The following CNIH3 variants were observed in gnomAD, a reference collection of about 807,000 sequenced individuals.
CNIH3 encodes cornichon family AMPA receptor auxiliary protein 3, also known as protein cornichon homolog 3.
A neutral mutation model predicts 24.1 loss-of-function variants in CNIH3; 14 were observed. That is an observed-to-expected ratio of 0.58 (90% CI 0.38 to 0.91). The LOEUF is 0.91. Among genes scored for constraint, CNIH3 ranks in the 40% least tolerant of loss-of-function variants. The probability of loss-of-function intolerance (pLI) is 0.00; values close to 1 mark genes in which losing one functional copy is unlikely to be tolerated. For synonymous variants in CNIH3, 68 were observed against 73.8 expected (o/e 0.92, Z 0.40); for missense variants, 178 against 196.8 (o/e 0.90, Z 0.57).
chr1:224,635,010 T>A (rs1684018051), intron 1 of CNIH3, among the ~76,000 whole-genome samples: 1 of 152,268 alleles, frequency 6.6e-6, no homozygotes, highest in Admixed American at 6.5e-5. Flanking sequence ...TTCACACTGC[T>A]ATAAAGAACT....
At chr1:224,652,292 TGG>T (rs1029337726) in intron 1 of CNIH3, among the ~76,000 whole-genome samples, 1 of 152,034 alleles carries the variant, frequency 6.6e-6, no homozygotes, top group African/African-American at 2.4e-5. Flanking sequence ...ATTCCTGGAC[TGG>T]GACTGGACAT....
chr1:224,437,593 T>C (rs1674718221), intron 1 of CNIH3, among the ~76,000 whole-genome samples: 1 of 152,180 alleles, frequency 6.6e-6, no homozygotes, highest in South Asian at 2.1e-4. Flanking sequence ...AGCTTTTGGG[T>C]TGTGACCCAT....
intron 1 of CNIH3, among the ~76,000 whole-genome samples, chr1:224,485,692 T>C (rs975122293): frequency 6.6e-6 from 1 of 152,174 alleles, no homozygotes; most frequent in African/African-American, 2.4e-5. Flanking sequence ...AGAATCTCAC[T>C]ATGTTGTGCA....
chr1:224,595,108 G>C (rs1681922575), intron 3 of CNIH3, among the ~76,000 whole-genome samples: 1 of 152,214 alleles, frequency 6.6e-6, no homozygotes, highest in South Asian at 2.1e-4. Context: ...GTGCAGGGAA[G>C]TGATCAGAGC....
chr1:224,545,990 G>T (rs1230010049), intron 2 of CNIH3, among the ~76,000 whole-genome samples: 1 of 152,104 alleles, frequency 6.6e-6, no homozygotes, highest in Non-Finnish European at 1.5e-5. Context: ...TTCTCTGTGT[G>T]TTTGTGTCCT....
intron 1 of CNIH3, among the ~76,000 whole-genome samples, chr1:224,453,361 T>G (rs372788813): frequency 1.3e-5 from 2 of 151,326 alleles, no homozygotes; most frequent in African/African-American, 2.4e-5. Flanking sequence ...TCTTTTTTCT[T>G]TTTTTTTGTA....
rs577191859 is a variant in CNIH3 at position 224,609,068 on chromosome 1, A to C, written n.402+42804A>C. On this transcript the variant is annotated intron_variant and non_coding_transcript_variant, in intron 3 of 7. Transcript: ENST00000478120. ...TTATTATTTTAGAGAGACAGTTAAC[A>C]ATCACCTGACCATGACCTGATGGTT... Among the ~76,000 whole-genome samples the C allele has an allele frequency of 2.8e-4, 42 of 152,246 alleles. 1 individual carries two copies. The South Asian group carries it at 5.2e-3, about 19-fold the overall frequency.
chr1:224,639,235 T>C lies in CNIH3; in HGVS notation c.81+21980T>C, dbSNP rs113801592. On this transcript the variant is annotated intron_variant, in intron 1 of 5. Transcript: ENST00000272133. Reference sequence around the variant, plus strand: ...GACACTGCCTAGCATTCTCTTCAAGTGGATTTTCAAGTACAAGAAGCCCCA... The same window carrying C: ...GACACTGCCTAGCATTCTCTTCAAGCGGATTTTCAAGTACAAGAAGCCCCA... Among the ~76,000 whole-genome samples the C allele has an allele frequency of 4.1e-3, 628 of 152,364 alleles. 3 individuals are homozygous for C. The highest frequency in any genetic ancestry group is 0.013 in the African/African-American group (560 of 41,572).
chr1:224,669,844 T>C (rs765910099), intron 1 of CNIH3, among the ~76,000 whole-genome samples: 21 of 152,266 alleles, frequency 1.4e-4, no homozygotes, highest in Admixed American at 9.2e-4. Flanking sequence ...ACCTTGCCCA[T>C]AGTCACACAA....
rs188438663 is a variant in CNIH3 at position 224,588,265 on chromosome 1, T to C, written n.621-96T>C. On this transcript the variant is annotated intron_variant and non_coding_transcript_variant, in intron 5 of 5. Transcript: ENST00000471578. ...CGGTGTCATCTCACTGAATATTTGT[T>C]GAATGAATGAAAAAATTCAGAATGT... The C allele has an allele frequency of 2.1e-4, 32 of 152,344 alleles. No homozygotes were observed. In the East Asian group the frequency reaches 5.6e-3, roughly 27 times the overall value. The allele number at this position is 152,344 out of a possible 1,614,324, so 9.4% of individuals were successfully genotyped here.
intron 4 of CNIH3, among the ~76,000 whole-genome samples, chr1:224,582,668 A>C (rs938867344): frequency 1.4e-4 from 22 of 151,922 alleles, no homozygotes; most frequent in Non-Finnish European, 2.8e-4. Flanking sequence ...AGCGTGGGGG[A>C]CTCCAAGTGG....
At chr1:224,660,971 A>T (rs1685325358) in intron 1 of CNIH3, among the ~76,000 whole-genome samples, 1 of 152,212 alleles carries the variant, frequency 6.6e-6, no homozygotes, top group Admixed American at 6.5e-5. Context: ...CAATTTTTAA[A>T]ACAAAAAGTC....
intron 3 of CNIH3, among the ~76,000 whole-genome samples, chr1:224,693,428 T>C (rs1408561757): frequency 6.6e-6 from 1 of 152,190 alleles, no homozygotes; most frequent in Non-Finnish European, 1.5e-5. Flanking sequence ...TTCTCACGAG[T>C]CCATGGGTCA....
intron 3 of CNIH3, among the ~76,000 whole-genome samples, chr1:224,560,912 T>C (rs1248458212): frequency 6.6e-6 from 1 of 152,034 alleles, no homozygotes; most frequent in Non-Finnish European, 1.5e-5. Flanking sequence ...ACCACTGTTT[T>C]AGATTTTAAC....
At chr1:224,464,032 G>A (rs1044885804) in intron 1 of CNIH3, among the ~76,000 whole-genome samples, 3 of 151,016 alleles carry the variant, frequency 2.0e-5, no homozygotes, top group South Asian at 2.1e-4. Flanking sequence ...CTTGTGATCC[G>A]CCCACCTCAG....
intron 1 of CNIH3, among the ~76,000 whole-genome samples, chr1:224,680,089 G>A (rs752633346): frequency 6.6e-6 from 1 of 152,106 alleles, no homozygotes; most frequent in Non-Finnish European, 1.5e-5. Flanking sequence ...GATTACAGGC[G>A]GTCATGTCTG....
chr1:224,648,410 C>CA, intron 1 of CNIH3, among the ~76,000 whole-genome samples: 1 of 116,058 alleles, frequency 8.6e-6, no homozygotes, highest in East Asian at 2.5e-4. Flanking sequence ...GACTCTGTCT[C>CA]AGGAAAAAAA....
intron 1 of CNIH3, among the ~76,000 whole-genome samples, chr1:224,509,330 G>A (rs943376717): frequency 6.6e-6 from 1 of 152,070 alleles, no homozygotes; most frequent in Non-Finnish European, 1.5e-5. Context: ...AAGATAGAAA[G>A]ACGAAAGGAA....
In CNIH3 at chr1:224,716,204, G is replaced by T. The variant is rs532927255; in HGVS notation, c.199-14258G>T. 2.6e-5 allele frequency among the ~76,000 whole-genome samples: 4 copies of T among 152,274 alleles called. No individual in the cohort carries two copies. In the South Asian group the frequency reaches 8.3e-4, roughly 32 times the overall value. ...CTGGAACACTACAAAGAAAGGTAGGGCCAAAGGATTACTCTTCTACTTCAG... is the reference window on the plus strand; with the variant it reads ...CTGGAACACTACAAAGAAAGGTAGGTCCAAAGGATTACTCTTCTACTTCAG... On this transcript the variant is annotated intron_variant, in intron 3 of 5. Coordinates refer to ENST00000272133, the MANE Select transcript of CNIH3 (RefSeq NM_152495.2).
Sources: gnomAD v4.1 joint callset for allele counts (sites outside exome capture counted in the v4.1 genomes callset) on GRCh38, gnomAD v4.1.1 for gene constraint, MANE v1.5 for transcripts, NCBI Gene and HGNC (gene_info 2026-07-23, HGNC 2026-07-21) for gene names.